DIAPH2: variants seen among roughly 807,000 people sequenced by gnomAD.
DIAPH2 encodes the protein diaphanous related formin 2.
DIAPH2 carries 35 observed loss-of-function variants against 92.7 expected under a neutral mutation model. The ratio of observed to expected loss-of-function variants is 0.38; its 90% CI spans 0.29 to 0.50. The LOEUF is 0.50. Among genes scored for constraint, DIAPH2 ranks in the 20% least tolerant of loss-of-function variants. DIAPH2 has a pLI of 0.94. For synonymous variants in DIAPH2, 301 were observed against 280.4 expected, an observed-to-expected ratio of 1.07 and a Z score of -0.73; for missense variants, 701 against 819.5, an observed-to-expected ratio of 0.86 and a Z score of 1.77.
chrX:97,086,150 G>T (rs1287993184), intron 19 of DIAPH2, among the ~76,000 whole-genome samples: 1 of 111,530 alleles, frequency 9.0e-6, no homozygotes, highest in Non-Finnish European at 1.9e-5. Context: ...ACTTACTAAG[G>T]TGTGACCATT....
chrX:96,920,909 C>T (rs2065538205), intron 9 of DIAPH2, among the ~76,000 whole-genome samples: 1 of 112,134 alleles, frequency 8.9e-6, no homozygotes, highest in African/African-American at 3.2e-5. Context: ...AGTACTCTCA[C>T]AAGAATTGTG....
At chrX:97,529,024 A>G (rs6615912) in intron 26 of DIAPH2, 34,015 of 108,264 alleles carry the variant, frequency 0.31, 4,854 homozygotes, top group East Asian at 0.52. Flanking sequence ...CAGTGAGCTG[A>G]GATGGCGCCA....
At chrX:96,810,058 G>C (rs1209939206) in intron 4 of DIAPH2, among the ~76,000 whole-genome samples, 1 of 112,087 alleles carries the variant, frequency 8.9e-6, no homozygotes, top group Non-Finnish European at 1.9e-5. Flanking sequence ...GGGTCAAATG[G>C]TATTTCTAGT....
intron 4 of DIAPH2, among the ~76,000 whole-genome samples, chrX:96,824,318 G>A (rs2064798475): frequency 9.1e-6 from 1 of 110,488 alleles, no homozygotes; most frequent in African/African-American, 3.3e-5. Context: ...AGCACACATG[G>A]GGGAAATTGT....
At chrX:96,978,095 A>G (rs1215342730) in intron 17 of DIAPH2, among the ~76,000 whole-genome samples, 2 of 112,336 alleles carry the variant, frequency 1.8e-5, no homozygotes, top group African/African-American at 6.5e-5. Flanking sequence ...CTTACTGGAT[A>G]TTAATGGCAG....
intron 4 of DIAPH2, among the ~76,000 whole-genome samples, chrX:96,768,057 G>C (rs938983142): frequency 2.7e-5 from 3 of 111,572 alleles, no homozygotes; most frequent in Admixed American, 9.5e-5. Context: ...AAAATAAATT[G>C]TTTTTATTAT....
At chrX:97,510,460 G>T in intron 26 of DIAPH2, among the ~76,000 whole-genome samples, 1 of 111,211 alleles carries the variant, frequency 9.0e-6, no homozygotes, top group Middle Eastern at 4.6e-3. Flanking sequence ...TCTGTAGGTT[G>T]CCTGTTCACT....
intron 17 of DIAPH2, among the ~76,000 whole-genome samples, chrX:97,054,733 A>C (rs1436419307): frequency 2.7e-5 from 3 of 111,559 alleles, no homozygotes; most frequent in Non-Finnish European, 5.7e-5. Flanking sequence ...TTTAAAAGGT[A>C]CTAAATTCCC....
chrX:97,553,156 A>G (rs887255377), intron 26 of DIAPH2, among the ~76,000 whole-genome samples: 3 of 112,397 alleles, frequency 2.7e-5, no homozygotes, highest in Middle Eastern at 4.2e-3. Flanking sequence ...ATATTATTCT[A>G]CTGTTTTGTG....
chrX:97,438,350 T>G (rs868810922), intron 26 of DIAPH2, among the ~76,000 whole-genome samples: 42 of 72,050 alleles, frequency 5.8e-4, no homozygotes, highest in African/African-American at 2.1e-3. Flanking sequence ...TTTTTTTTTT[T>G]GTTTGTTTGT....
chrX:97,156,918 A>G (rs1191589689), intron 22 of DIAPH2, among the ~76,000 whole-genome samples: 1 of 111,943 alleles, frequency 8.9e-6, no homozygotes, highest in Non-Finnish European at 1.9e-5. Context: ...TAAATTTGGA[A>G]GAAAGTGTCA....
At chrX:97,294,589 A>T (rs759951400) in intron 23 of DIAPH2, among the ~76,000 whole-genome samples, 14 of 111,632 alleles carry the variant, frequency 1.3e-4, no homozygotes, top group African/African-American at 4.5e-4. Flanking sequence ...TGATTATAGG[A>T]ATGTAGAGCA....
intron 1 of DIAPH2, among the ~76,000 whole-genome samples, chrX:96,686,078 G>A (rs556755768): frequency 1.8e-5 from 2 of 111,926 alleles, no homozygotes; most frequent in East Asian, 5.6e-4. Flanking sequence ...GGTGGTGTGA[G>A]GGGAAAGGGT....
chrX:97,006,303 A>G lies in DIAPH2; in HGVS notation c.2050+41096A>G, dbSNP rs185353256. ...AATATCTATTAGATCCATTTGGTCT[A>G]TGGTGCAGATTAAATCTGATGTTTC... On this transcript the variant is annotated intron_variant, in intron 17 of 26. Coordinates refer to ENST00000324765, the MANE Select transcript of DIAPH2 (RefSeq NM_006729.5). Among the ~76,000 whole-genome samples, 662 of 112,158 alleles carry G rather than the reference A, an allele frequency of 5.9e-3. 7 individuals are homozygous for G. The highest frequency in any genetic ancestry group is 0.021 in the African/African-American group (634 of 30,873).
At chrX:96,750,229 T>C (rs2064178958) in intron 3 of DIAPH2, among the ~76,000 whole-genome samples, 1 of 109,823 alleles carries the variant, frequency 9.1e-6, no homozygotes, top group Non-Finnish European at 1.9e-5. Context: ...GGTTTTGCCA[T>C]GTCGGCCAGG....
At chrX:96,725,613 G>A (rs1224415465) in intron 1 of DIAPH2, among the ~76,000 whole-genome samples, 4 of 111,362 alleles carry the variant, frequency 3.6e-5, no homozygotes, top group Non-Finnish European at 7.5e-5. Flanking sequence ...ATGGGTTAAC[G>A]CCTTTGGATA....
At chrX:97,152,618 A>G (rs758614700) in intron 22 of DIAPH2, among the ~76,000 whole-genome samples, 2 of 110,314 alleles carry the variant, frequency 1.8e-5, no homozygotes, top group East Asian at 5.8e-4. Flanking sequence ...AGGGTCAATG[A>G]GCATGGATGA....
intron 22 of DIAPH2, among the ~76,000 whole-genome samples, chrX:97,190,068 C>T (rs2067640425): frequency 1.8e-5 from 2 of 113,049 alleles, no homozygotes; most frequent in African/African-American, 6.4e-5. Context: ...GAAAAAGTAG[C>T]AGAAACAGAT....
At chrX:97,194,156 C>T (rs1483006357) in intron 22 of DIAPH2, among the ~76,000 whole-genome samples, 1 of 111,297 alleles carries the variant, frequency 9.0e-6, no homozygotes, top group East Asian at 2.8e-4. Context: ...CTTGCATTTG[C>T]TCCATATCTC....
Sources: allele counts gnomAD v4.1 joint callset (sites outside exome capture counted in the v4.1 genomes callset), GRCh38; gene constraint gnomAD v4.1.1; transcripts MANE v1.5; gene names NCBI Gene and HGNC (gene_info 2026-07-23, HGNC 2026-07-21).